The following MAPK8IP3 variants were observed in gnomAD, a reference collection of about 807,000 sequenced individuals.
MAPK8IP3 encodes the protein mitogen-activated protein kinase 8 interacting protein 3.
In MAPK8IP3, 49 loss-of-function variants were observed where a neutral mutation model predicts 157.8. The observed-to-expected ratio is 0.31, with a 90% CI of 0.25 to 0.39. The LOEUF (loss-of-function observed/expected upper bound fraction) is 0.39. MAPK8IP3 is among the 10% of genes least tolerant of loss of function. The pLI is 1.00. For missense variants in MAPK8IP3, 1,478 were observed against 1,889.4 expected (o/e 0.78, Z 4.04); for synonymous variants, 897 against 777.7 (o/e 1.15, Z -2.55).
rs73501656 is a variant in MAPK8IP3, at chr16:1,754,833, G to A, written c.1217-3315G>A. Among the ~76,000 whole-genome samples, 927 of 152,098 alleles carry A rather than the reference G, an allele frequency of 6.1e-3. 9 individuals are homozygous for A. Among genetic ancestry groups the A allele is most frequent in the African/African-American group, 0.021 (890 of 41,482 alleles). Reference sequence around the variant, plus strand: ...AGACAAGCCTGTGTAAGATTCAGAAGCACCATTGAAAGACATAAAAGAAGC... The same window carrying A: ...AGACAAGCCTGTGTAAGATTCAGAAACACCATTGAAAGACATAAAAGAAGC... On this transcript the variant is annotated intron_variant, in intron 8 of 31. Transcript: ENST00000610761.
rs1458111831 is a variant in MAPK8IP3, at chr16:1,768,641, G to C, written c.3892+15G>C. The stretch of plus-strand genomic sequence containing the variant: ...CTTCCGCATTGGTGAGCGGGGCCCA[G>C]GGACAGGGCTGAGGTTGGGCGCGGG... On this transcript the variant is annotated intron_variant, in intron 31 of 31. Coordinates refer to ENST00000610761, the MANE Select transcript of MAPK8IP3 (RefSeq NM_001318852.2). 6.2e-7 allele frequency: 1 copy of C among 1,609,468 alleles called. No homozygotes were observed. Among genetic ancestry groups the C allele is most frequent in the Non-Finnish European group, 8.5e-7 (1 of 1,178,584 alleles).
At chr16:1,735,907 C>T (rs1268892598) in intron 4 of MAPK8IP3, among the ~76,000 whole-genome samples, 1 of 119,388 alleles carries the variant, frequency 8.4e-6, no homozygotes, top group South Asian at 3.0e-4. Context: ...TGTGAGCATC[C>T]GTGTGACCAT....
intron 1 of MAPK8IP3, among the ~76,000 whole-genome samples, chr16:1,718,132 T>C (rs111260190): frequency 0.14 from 20,439 of 150,856 alleles, 2,189 homozygotes; most frequent in African/African-American, 0.3. Context: ...GGATTACAGG[T>C]GTGAGCCACC....
chr16:1,733,312 G>A (rs925488666), intron 4 of MAPK8IP3, among the ~76,000 whole-genome samples: 14 of 152,116 alleles, frequency 9.2e-5, no homozygotes, highest in Admixed American at 3.9e-4. Context: ...AACTCAGGAC[G>A]CCGGCCGAGA....
intron 4 of MAPK8IP3, among the ~76,000 whole-genome samples, chr16:1,737,777 T>A (rs1429912627): frequency 4.5e-5 from 4 of 88,506 alleles, no homozygotes; most frequent in Non-Finnish European, 6.4e-5. Context: ...TCCGTGTGAG[T>A]GACCATCCAT....
chr16:1,761,060 G>T (rs989747937), intron 12 of MAPK8IP3, among the ~76,000 whole-genome samples, 164 bp from the exon 13 acceptor site: 1 of 152,210 alleles, frequency 6.6e-6, no homozygotes, highest in Non-Finnish European at 1.5e-5. Flanking sequence ...TGGAAGAAGC[G>T]TTCAGGGCCC....
chr16:1,768,579 A>T lies in MAPK8IP3; in HGVS notation c.3845A>T (p.Asn1282Ile). Residue 1282 changes from asparagine to isoleucine, a missense_variant, in exon 31 of 32, where the codon AAC (asparagine) becomes ATC (isoleucine). Asn to Ile is a moderately radical substitution (Grantham distance 149, BLOSUM62 -3). Around this residue, in one of 11 missense-constraint regions of MAPK8IP3, gnomAD observed 133 missense variants for 133.4 expected, o/e 1.00. Coordinates refer to ENST00000610761, the MANE Select transcript of MAPK8IP3 (RefSeq NM_001318852.2). ...GAGGTCGAGGGCCAGAAGCTGCGGA[A>T]CGTGCTGGTGCTGAGCGGCGGGGAG... ...ASEVEGQKLR[N>I]VLVLSGGEGY... The T allele has an allele frequency of 1.3e-6, 2 of 1,590,622 alleles. No homozygotes were observed. Among genetic ancestry groups the T allele is most frequent in the Admixed American group, 1.8e-5 (1 of 55,668 alleles).
At chr16:1,764,234 AGGCT>A in intron 18 of MAPK8IP3, 24 bp downstream of exon 18, 1 of 1,605,980 alleles carries the variant, frequency 6.2e-7, no homozygotes, top group Non-Finnish European at 8.5e-7. Context: ...GACCCCGCTC[AGGCT>A]GGCTGGGCGA....
chr16:1,737,948 G>A (rs564202352), intron 4 of MAPK8IP3, among the ~76,000 whole-genome samples: 1 of 66,854 alleles, frequency 1.5e-5, no homozygotes, highest in Non-Finnish European at 2.8e-5. Context: ...CCGTGTGACT[G>A]TCCGTGTGAG....
In MAPK8IP3 at chr16:1,762,386, G is replaced by A. The variant is rs116332472; in HGVS notation, c.1575G>A (p.Thr525=). 5.8e-4 allele frequency: 927 copies of A among 1,592,158 alleles called. 9 individuals are homozygous for A. The African/African-American group carries it at 0.012, about 20-fold the overall frequency. The change falls in exon 14 of 32, where the codon ACG becomes ACA. Residue 525 remains threonine, a synonymous_variant. Coordinates refer to ENST00000610761, the MANE Select transcript of MAPK8IP3 (RefSeq NM_001318852.2). ...KIPMAQRRRF[T]RVEMARVLME... ...CCATGGCCCAGCGCCGCCGCTTCACGCGGGTGGAGATGGCCCGTGTGCTCA... is the reference window on the plus strand; with the variant it reads ...CCATGGCCCAGCGCCGCCGCTTCACACGGGTGGAGATGGCCCGTGTGCTCA...
chr16:1,756,942 CCTGTTG>C (rs1208867517), intron 8 of MAPK8IP3, among the ~76,000 whole-genome samples: 2 of 152,106 alleles, frequency 1.3e-5, no homozygotes, highest in Non-Finnish European at 2.9e-5. Context: ...TTCTTTGAAA[CCTGTTG>C]CTTATCTAGA....
chr16:1,767,029 G>GTTTTTTC, intron 25 of MAPK8IP3, 58 bp downstream of exon 25: 6 of 1,567,860 alleles, frequency 3.8e-6, no homozygotes, highest in Non-Finnish European at 5.2e-6. Flanking sequence ...GCATTGTTTA[G>GTTTTTTC]CCAAGGGGCT....
intron 29 of MAPK8IP3, 27 bp from the exon 30 acceptor site, chr16:1,768,172 C>G: frequency 3.1e-6 from 5 of 1,612,028 alleles, no homozygotes; most frequent in Non-Finnish European, 4.2e-6. Flanking sequence ...TATGCGGGCT[C>G]AGCGCCTCTG....
intron 4 of MAPK8IP3, among the ~76,000 whole-genome samples, chr16:1,740,772 A>G (rs1245248380): frequency 2.0e-5 from 3 of 152,252 alleles, no homozygotes; most frequent in Non-Finnish European, 4.4e-5. Context: ...CAGCAGGCAC[A>G]TTAGGGCATC....
Position 1,762,827 on chromosome 16 carries a change from C to T in MAPK8IP3, c.1728-9C>T, listed in dbSNP as rs200219690. 18 of 1,611,362 alleles carry T rather than the reference C, an allele frequency of 1.1e-5. No homozygotes were observed. The South Asian group carries it at 1.8e-4, about 16-fold the overall frequency. On this transcript the variant is annotated splice_polypyrimidine_tract_variant and intron_variant, in intron 15 of 31. Transcript: ENST00000610761. ...CTGCCCACCCCTCACCTCCCTGTGC[C>T]TCTGGCAGCTTCAGCCGCCTCTTCA... is the stretch of plus-strand genomic sequence containing the variant.
intron 4 of MAPK8IP3, among the ~76,000 whole-genome samples, chr16:1,737,388 C>A (rs112232746): frequency 4.2e-5 from 4 of 95,726 alleles, no homozygotes; most frequent in Middle Eastern, 7.5e-3. Context: ...GTGTGACCAT[C>A]CATGTGAGCA....
intron 1 of MAPK8IP3, among the ~76,000 whole-genome samples, chr16:1,711,718 G>A (rs1489157192): frequency 6.6e-6 from 1 of 152,126 alleles, no homozygotes; most frequent in African/African-American, 2.4e-5. Context: ...GAGGCGGGTG[G>A]ATCATGAGGT....
chr16:1,761,938 C>T (rs1596777749), intron 13 of MAPK8IP3, among the ~76,000 whole-genome samples: 2 of 152,272 alleles, frequency 1.3e-5, no homozygotes, highest in African/African-American at 2.4e-5. Context: ...CAGTATATCC[C>T]ACAATTCACA....
At chr16:1,761,869 G>T (rs1324322980) in intron 13 of MAPK8IP3, among the ~76,000 whole-genome samples, 1 of 152,216 alleles carries the variant, frequency 6.6e-6, no homozygotes, top group Admixed American at 6.5e-5. Context: ...CACACTCGGG[G>T]CATGGGGATG....
Sources: allele counts gnomAD v4.1 joint callset (sites outside exome capture counted in the v4.1 genomes callset), GRCh38; gene constraint gnomAD v4.1.1; regional missense constraint gnomAD v4.1.1; transcripts MANE v1.5; gene names NCBI Gene and HGNC (gene_info 2026-07-23, HGNC 2026-07-21).